The following OXR1 variants were observed in gnomAD, a reference collection of about 807,000 sequenced individuals.
OXR1 encodes oxidation resistance 1, also known as oxidation resistance protein 1.
A neutral mutation model predicts 104.6 loss-of-function variants in OXR1; 41 were observed. That is an observed-to-expected ratio of 0.39 (90% confidence interval 0.31 to 0.51). The LOEUF (loss-of-function observed/expected upper bound fraction) is 0.51, where lower values mean the gene tolerates loss of function less well. Ranked by LOEUF, OXR1 falls within the 20% of genes least tolerant of loss-of-function variation. The probability of loss-of-function intolerance (pLI) is 0.77; values close to 1 mark genes in which losing one functional copy is unlikely to be tolerated. For synonymous variants in OXR1, 348 were observed against 348.4 expected (o/e 1.00, Z 0.01); for missense variants, 955 against 1,031.9 (o/e 0.93, Z 1.02).
intron 3 of OXR1, among the ~76,000 whole-genome samples, chr8:106,541,734 G>T (rs1010362898): frequency 1.3e-5 from 2 of 152,170 alleles, no homozygotes; most frequent in African/African-American, 4.8e-5. Context: ...ATTTCAGTGA[G>T]GGTTGGAGAA....
Position 106,359,623 on chromosome 8 carries a change from T to C in OXR1, c.10T>C (p.Ser4Pro). Residue 4 changes from serine to proline, a missense_variant, in exon 2 of 17, where the codon TCT becomes CCT. By Grantham distance (74) the Ser-to-Pro change is moderately conservative (BLOSUM62 -1). Transcript: ENST00000517566. MSV[S>P]NLSWLKKKSQ... ...TCAACAAGTTGCTGCAATGTCTGTG[T>C]CTAATCTATCATGGTGAGTGAATGG... 1 of 1,548,630 alleles carries C rather than the reference T, an allele frequency of 6.5e-7. No homozygotes were observed. Among genetic ancestry groups the C allele is most frequent in the Non-Finnish European group, 8.7e-7 (1 of 1,143,932 alleles).
rs368799864 is a variant in OXR1 at position 106,684,243 on chromosome 8, C to T, written c.412-3C>T. On this transcript the variant is annotated splice_polypyrimidine_tract_variant and splice_region_variant and intron_variant, in intron 5 of 16. Transcript: ENST00000517566. ...AAATCTTTGTGTGAATGTTTTCTTA[C>T]AGGTTCTGTATGTTCCTGATCCTGA... The T allele has an allele frequency of 2.1e-5, 30 of 1,461,956 alleles. No homozygotes were observed. In the African/African-American group the frequency reaches 3.8e-4, roughly 18 times the overall value. The allele number at this position is 1,461,956 out of a possible 1,614,324, so 90.6% of individuals were successfully genotyped here.
At chr8:106,270,879 G>T (rs766882613) in intron 1 of OXR1, among the ~76,000 whole-genome samples, 1 of 152,136 alleles carries the variant, frequency 6.6e-6, no homozygotes, top group Non-Finnish European at 1.5e-5. Context: ...AAAGGACGCC[G>T]GTGGAAGGGA....
At chr8:106,535,199 G>A (rs952576904) in intron 3 of OXR1, among the ~76,000 whole-genome samples, 1 of 152,048 alleles carries the variant, frequency 6.6e-6, no homozygotes, top group Non-Finnish European at 1.5e-5. Context: ...TCCTGACCTC[G>A]TAGCACGAGG....
chr8:106,317,363 A>T (rs1300684851), intron 1 of OXR1, among the ~76,000 whole-genome samples: 2 of 152,170 alleles, frequency 1.3e-5, no homozygotes, highest in Non-Finnish European at 2.9e-5. Context: ...TGGGTGGTTG[A>T]CCATGAGGTA....
At chr8:106,673,837 G>A (rs62517938) in intron 3 of OXR1, among the ~76,000 whole-genome samples, 273 of 152,304 alleles carry the variant, frequency 1.8e-3, no homozygotes, top group Admixed American at 3.6e-3. Context: ...AAGCCTTGGC[G>A]GTTTACGTGC....
chr8:106,396,351 G>A (rs994811046), intron 2 of OXR1, among the ~76,000 whole-genome samples: 4 of 151,916 alleles, frequency 2.6e-5, no homozygotes, highest in East Asian at 3.9e-4. Flanking sequence ...CTGGTGATAC[G>A]GGACATCCAT....
intron 1 of OXR1, among the ~76,000 whole-genome samples, chr8:106,354,324 G>A (rs1342009942): frequency 2.0e-5 from 3 of 152,098 alleles, no homozygotes; most frequent in Non-Finnish European, 4.4e-5. Context: ...AATTTGCTCT[G>A]CTAACATTTA....
In OXR1 at chr8:106,305,012, CACTT is replaced by C. The variant is rs1229508158; in HGVS notation, c.-139+34647_-139+34650del. On this transcript the variant is annotated intron_variant, in intron 1 of 16. Coordinates refer to ENST00000517566, the MANE Select transcript of OXR1 (RefSeq NM_001198533.2). The stretch of plus-strand genomic sequence containing the variant: ...ATATCAAAATTACCTTTCTACATGA[CACTT>C]AAAGTAGTATAATATTTTATAAAGA... 3.3e-5 allele frequency among the ~76,000 whole-genome samples: 5 copies of C among 152,018 alleles called. No homozygotes were observed. In the South Asian group the frequency reaches 8.3e-4, roughly 25 times the overall value.
chr8:106,732,819 T>C (rs1834014067), intron 11 of OXR1, among the ~76,000 whole-genome samples: 1 of 152,194 alleles, frequency 6.6e-6, no homozygotes, highest in South Asian at 2.1e-4. Flanking sequence ...TATATGTTAA[T>C]GAGAGATAAT....
chr8:106,326,803 T>A (rs1814490103), intron 1 of OXR1, among the ~76,000 whole-genome samples: 2 of 152,014 alleles, frequency 1.3e-5, no homozygotes, highest in South Asian at 2.1e-4. Context: ...GGGAATGGAG[T>A]CAGAGAGGTA....
At chr8:106,447,885 C>A (rs1023035481) in intron 2 of OXR1, 43 of 1,494,884 alleles carry the variant, frequency 2.9e-5, no homozygotes, top group African/African-American at 2.4e-4. Context: ...GCCCCACCCC[C>A]CAACAGCCGG....
intron 3 of OXR1, among the ~76,000 whole-genome samples, chr8:106,542,251 A>C (rs1160610491): frequency 6.6e-6 from 1 of 152,174 alleles, no homozygotes; most frequent in Non-Finnish European, 1.5e-5. Flanking sequence ...ATTACTATGA[A>C]TATCAAAATC....
At chr8:106,395,570 C>T (rs1415565322) in intron 2 of OXR1, among the ~76,000 whole-genome samples, 1 of 152,140 alleles carries the variant, frequency 6.6e-6, no homozygotes, top group East Asian at 1.9e-4. Flanking sequence ...CTGGGTCCTT[C>T]CCACAACATG....
At chr8:106,701,188 G>T (rs1051655983) in intron 7 of OXR1, among the ~76,000 whole-genome samples, 2 of 152,064 alleles carry the variant, frequency 1.3e-5, no homozygotes, top group Non-Finnish European at 2.9e-5. Flanking sequence ...CCTTATTTAG[G>T]TGGTCCACGT....
At chr8:106,310,246 T>G (rs1813643197) in intron 1 of OXR1, among the ~76,000 whole-genome samples, 1 of 140,954 alleles carries the variant, frequency 7.1e-6, no homozygotes, top group Non-Finnish European at 1.5e-5. Context: ...TTTTTTTTTG[T>G]GAACTCTTTC....
chr8:106,745,592 A>G (rs1462044365), intron 15 of OXR1, among the ~76,000 whole-genome samples, 197 bp from the exon 16 acceptor site: 1 of 152,202 alleles, frequency 6.6e-6, no homozygotes, highest in East Asian at 1.9e-4. Context: ...GTTAAGTGAT[A>G]GAGTGTGTGC....
chr8:106,361,056 G>A (rs1563736637), intron 2 of OXR1, among the ~76,000 whole-genome samples: 2 of 152,298 alleles, frequency 1.3e-5, no homozygotes, highest in Admixed American at 1.3e-4. Flanking sequence ...GCTTTGATGT[G>A]ATATGAGGAT....
chr8:106,540,858 C>T (rs987455946), intron 3 of OXR1, among the ~76,000 whole-genome samples: 1 of 152,174 alleles, frequency 6.6e-6, no homozygotes, highest in African/African-American at 2.4e-5. Flanking sequence ...ATCACGAGAA[C>T]AGTGCAGGAA....
Sources: allele counts gnomAD v4.1 joint callset (sites outside exome capture counted in the v4.1 genomes callset), GRCh38; gene constraint gnomAD v4.1.1; transcripts MANE v1.5; gene names NCBI Gene and HGNC (gene_info 2026-07-23, HGNC 2026-07-21).